The following CADM2 variants were observed in gnomAD, a reference collection of about 807,000 sequenced individuals.
The protein encoded by CADM2 is cell adhesion molecule 2, also known as immunoglobulin superfamily member 4D.
CADM2 carries 12 observed loss-of-function variants against 49.8 expected under a neutral mutation model. That is an observed-to-expected ratio of 0.24 (90% CI 0.15 to 0.39). The LOEUF (loss-of-function observed/expected upper bound fraction) is 0.39, where lower values mean the gene tolerates loss of function less well. CADM2 is among the 10% of genes least tolerant of loss of function. The pLI, the probability that CADM2 is intolerant of heterozygous loss-of-function variation, is 1.00. For missense variants in CADM2, 378 were observed against 492.3 expected (o/e 0.77, Z 2.20); for synonymous variants, 214 against 175.4 (o/e 1.22, Z -1.74).
At chr3:84,985,720 T>C (rs2032514640) in intron 1 of CADM2, among the ~76,000 whole-genome samples, 1 of 152,192 alleles carries the variant, frequency 6.6e-6, no homozygotes, top group Non-Finnish European at 1.5e-5. Context: ...TTCTGTAATA[T>C]TTTTTGCTCC....
chr3:85,855,930 A>G (rs1378322970), intron 3 of CADM2, among the ~76,000 whole-genome samples: 1 of 152,082 alleles, frequency 6.6e-6, no homozygotes, highest in Admixed American at 6.6e-5. Flanking sequence ...CCGGCCAAAA[A>G]ATATTTTAAT....
intron 8 of CADM2, chr3:86,014,462 G>C: frequency 8.7e-6 from 13 of 1,495,664 alleles, no homozygotes; most frequent in Non-Finnish European, 1.2e-5. Context: ...CCACAAATTT[G>C]GTAACCAAAC....
chr3:85,937,264 C>A (rs1003764296), intron 7 of CADM2, among the ~76,000 whole-genome samples: 1 of 151,714 alleles, frequency 6.6e-6, no homozygotes, highest in Non-Finnish European at 1.5e-5. Context: ...TGTAATAATC[C>A]TCTGCACTGC....
intron 3 of CADM2, among the ~76,000 whole-genome samples, chr3:85,882,375 A>G (rs1712947323): frequency 6.6e-6 from 1 of 152,116 alleles, no homozygotes; most frequent in Non-Finnish European, 1.5e-5. Flanking sequence ...TTGATCAGCA[A>G]TAAAAATGAG....
intron 1 of CADM2, among the ~76,000 whole-genome samples, chr3:85,244,499 A>T (rs1368048726): frequency 6.6e-6 from 1 of 152,230 alleles, no homozygotes; most frequent in African/African-American, 2.4e-5. Context: ...GACCTTGCAA[A>T]ATAGAAAAGT....
At chr3:85,085,769 A>AC (rs1251791960) in intron 1 of CADM2, among the ~76,000 whole-genome samples, 2 of 152,120 alleles carry the variant, frequency 1.3e-5, no homozygotes, top group African/African-American at 4.8e-5. Flanking sequence ...TAACGAGTTG[A>AC]CCCCATCCAT....
chr3:85,728,672 TTA>T (rs1488983579), intron 2 of CADM2, among the ~76,000 whole-genome samples: 2 of 152,156 alleles, frequency 1.3e-5, no homozygotes, highest in African/African-American at 2.4e-5. Context: ...TTAAAGAAGA[TTA>T]TATCTCATTT....
At chr3:85,116,997 C>T (rs758514210) in intron 1 of CADM2, among the ~76,000 whole-genome samples, 5 of 152,012 alleles carry the variant, frequency 3.3e-5, no homozygotes, top group Non-Finnish European at 5.9e-5. Flanking sequence ...GAGTTCTAGA[C>T]CAACCTGGCC....
intron 2 of CADM2, among the ~76,000 whole-genome samples, chr3:85,771,059 G>A (rs1164930564): frequency 6.6e-6 from 1 of 152,046 alleles, no homozygotes; most frequent in Non-Finnish European, 1.5e-5. Context: ...TTTCTCATAT[G>A]GATTAAGACA....
intron 3 of CADM2, among the ~76,000 whole-genome samples, chr3:85,861,162 A>G (rs2075517055): frequency 1.3e-5 from 2 of 152,180 alleles, no homozygotes; most frequent in African/African-American, 4.8e-5. Context: ...AATAGACTAT[A>G]GAAGGTAACC....
At chr3:85,934,386 A>T (rs1304212045) in intron 6 of CADM2, among the ~76,000 whole-genome samples, 1 of 152,060 alleles carries the variant, frequency 6.6e-6, no homozygotes, top group Non-Finnish European at 1.5e-5. Flanking sequence ...AATGGAAAAA[A>T]TTAATAAAGT....
chr3:85,776,152 A>G (rs1485921366), intron 2 of CADM2, among the ~76,000 whole-genome samples: 1 of 151,922 alleles, frequency 6.6e-6, no homozygotes, highest in Non-Finnish European at 1.5e-5. Flanking sequence ...ATGAAGTTTT[A>G]ATTAATAAAA....
intron 1 of CADM2, among the ~76,000 whole-genome samples, chr3:85,560,311 G>A (rs533339103): frequency 4.5e-4 from 69 of 152,308 alleles, no homozygotes; most frequent in African/African-American, 1.5e-3. Flanking sequence ...CCAAGTTTCT[G>A]GCAGTAGTCA....
At position 86,068,834 on chromosome 3, in the gene CADM2, T is replaced by G. The variant is rs1352252660; in HGVS notation, c.*2051T>G. 1 of 152,356 alleles carries G rather than the reference T, an allele frequency of 6.6e-6. No homozygotes were observed. Among genetic ancestry groups the G allele is most frequent in the African/African-American group, 2.4e-5 (1 of 41,418 alleles). 9.4% of individuals were successfully genotyped at this position (152,356 alleles called of 1,614,324 possible). On this transcript the variant is annotated 3_prime_UTR_variant, in exon 10 of 10. Coordinates refer to ENST00000383699, the MANE Select transcript of CADM2 (RefSeq NM_001167675.2). ...GCATTGATGTGATTGCATGCTTGTT[T>G]TTACAGTTCACTCCATACCATCTGT...
chr3:85,838,713 A>T (rs2074509688), intron 3 of CADM2, among the ~76,000 whole-genome samples: 1 of 151,742 alleles, frequency 6.6e-6, no homozygotes, highest in Non-Finnish European at 1.5e-5. Context: ...ATTACTTCTC[A>T]CTGACTCTGT....
chr3:84,993,213 A>G (rs2032988517), intron 1 of CADM2, among the ~76,000 whole-genome samples: 1 of 152,136 alleles, frequency 6.6e-6, no homozygotes, highest in Non-Finnish European at 1.5e-5. Flanking sequence ...TAAGGAGGCA[A>G]TTCCTAAAAC....
chr3:85,065,279 T>TA (rs1278710718), intron 1 of CADM2, among the ~76,000 whole-genome samples: 3 of 152,078 alleles, frequency 2.0e-5, no homozygotes, highest in Admixed American at 6.6e-5. Flanking sequence ...TATATTTTCT[T>TA]AAAAAACAAT....
chr3:85,795,318 G>C (rs1479583396), intron 2 of CADM2, among the ~76,000 whole-genome samples: 1 of 152,114 alleles, frequency 6.6e-6, no homozygotes, highest in Non-Finnish European at 1.5e-5. Flanking sequence ...AGAAGTAAAA[G>C]GCAATTCATA....
At chr3:85,687,530 A>C (rs1015040254) in intron 1 of CADM2, among the ~76,000 whole-genome samples, 2 of 152,194 alleles carry the variant, frequency 1.3e-5, no homozygotes, top group Non-Finnish European at 2.9e-5. Flanking sequence ...TTAATAATTC[A>C]AGAGAAAATA....
Sources: gnomAD v4.1 joint callset for allele counts (sites outside exome capture counted in the v4.1 genomes callset) on GRCh38, gnomAD v4.1.1 for gene constraint, MANE v1.5 for transcripts, NCBI Gene and HGNC (gene_info 2026-07-23, HGNC 2026-07-21) for gene names.